Variants in KCNQ1OT1 observed in about 807,000 individuals in gnomAD.
The protein encoded by KCNQ1OT1 is KCNQ1 opposite strand/antisense transcript 1, also known as KCNQ1 antisense RNA 2 (non-protein coding).
exon 1 of KCNQ1OT1, chr11:2,631,696 A>AGGT (rs1318924542): frequency 1.0e-5 from 4 of 398,562 alleles, no homozygotes; most frequent in Non-Finnish European, 8.8e-6. Flanking sequence ...AGTGTTAAGT[A>AGGT]GGTAGGGTGC....
Position 2,620,184 on chromosome 11 carries a change from C to T in KCNQ1OT1, n.79811G>A, listed in dbSNP as rs976133324. 5 of 388,442 alleles carry T rather than the reference C, an allele frequency of 1.3e-5. No individual in the cohort carries two copies. The highest frequency in any genetic ancestry group is 3.7e-5 in the East Asian group (1 of 27,338). 24.1% of individuals were successfully genotyped at this position (388,442 alleles called of 1,614,324 possible). A position where few individuals can be genotyped will look rare whatever the true frequency, so the allele number is the denominator to read the frequency against. On this transcript the variant is annotated non_coding_transcript_exon_variant, in exon 1 of 1. Transcript: ENST00000597346. This position sits in a 1 kb window ranked among gnomAD's most constrained non-coding sequence, Gnocchi z 4.5. ...GCTGCATCCATGTTGCTGCAAAGGA[C>T]GTAAGTTCATTCATGTATATATATA...
rs1013311375 is a variant in KCNQ1OT1 at position 2,670,293 on chromosome 11, G to A, written n.29702C>T. Reference sequence around the variant, plus strand: ...TAGCTTGTCTCTAGGCAACCCATAGGTGCCCAATGGAGAGATAATCTCAAA... The same window carrying A: ...TAGCTTGTCTCTAGGCAACCCATAGATGCCCAATGGAGAGATAATCTCAAA... On this transcript the variant is annotated non_coding_transcript_exon_variant, in exon 1 of 1. Coordinates refer to ENST00000597346, the Ensembl canonical transcript of KCNQ1OT1. The surrounding 1 kb of genome is among the most constrained non-coding windows in gnomAD (Gnocchi z 4.9). The A allele has an allele frequency of 2.3e-5, 9 of 398,422 alleles. No homozygotes were observed. The highest frequency in any genetic ancestry group is 4.4e-5 in the Admixed American group (1 of 22,680). The allele number at this position is 398,422 out of a possible 1,614,324, so 24.7% of individuals were successfully genotyped here.
rs2133851737 is a variant in KCNQ1OT1 at position 2,658,497 on chromosome 11, C to G, written n.41498G>C. 1 of 398,452 alleles carries G rather than the reference C, an allele frequency of 2.5e-6. No individual in the cohort carries two copies. The highest frequency in any genetic ancestry group is 1.3e-4 in the South Asian group (1 of 7,854). 24.7% of individuals were successfully genotyped at this position (398,452 alleles called of 1,614,324 possible). On this transcript the variant is annotated non_coding_transcript_exon_variant, in exon 1 of 1. Transcript: ENST00000597346. The surrounding 1 kb of genome is among the most constrained non-coding windows in gnomAD (Gnocchi z 4.9). The stretch of plus-strand genomic sequence containing the variant: ...CCTTTTCATTTATTTTTAAGCATTT[C>G]TTTTCTAGCACTTGACAATACTTCA...
In KCNQ1OT1 at chr11:2,661,552, G is replaced by A; in HGVS notation, n.38443C>T. The A allele has an allele frequency of 1.9e-6, 1 of 534,552 alleles. No homozygotes were observed. Among genetic ancestry groups the A allele is most frequent in the Non-Finnish European group, 3.3e-6 (1 of 301,916 alleles). The allele number at this position is 534,552 out of a possible 1,614,324, so 33.1% of individuals were successfully genotyped here. On this transcript the variant is annotated non_coding_transcript_exon_variant, in exon 1 of 1. Transcript: ENST00000597346. This position sits in a 1 kb window ranked among gnomAD's most constrained non-coding sequence, Gnocchi z 5.9. ...TTTCCTGACCCACTACTCTGTCAAT[G>A]TATGAGTGTGACAATGTATGGTGGT...
chr11:2,628,585 A>G, exon 1 of KCNQ1OT1: 2 of 398,382 alleles, frequency 5.0e-6, no homozygotes, highest in Non-Finnish European at 4.4e-6. Context: ...CTCCCGCTAC[A>G]TGTGCTGCCT....
chr11:2,625,498 A>G, exon 1 of KCNQ1OT1: 1 of 398,110 alleles, frequency 2.5e-6, no homozygotes, highest in East Asian at 3.6e-5. Context: ...CCTAATGACT[A>G]GAGATGTTAA....
exon 1 of KCNQ1OT1, chr11:2,699,655 A>AGAACCCCCGGGGAGAACCGCGCCGAT: frequency 2.8e-6 from 1 of 355,694 alleles, no homozygotes; most frequent in Non-Finnish European, 5.0e-6. Flanking sequence ...ACCGCGCCGA[A>AGAACCCCCGGGGAGAACCGCGCCGAT]GAACCCCCGG....
rs1323541600 is a variant in KCNQ1OT1 at position 2,683,730 on chromosome 11, A to G, written n.16265T>C. 3 of 398,464 alleles carry G rather than the reference A, an allele frequency of 7.5e-6. No homozygotes were observed. The highest frequency in any genetic ancestry group is 1.3e-5 in the Non-Finnish European group (3 of 226,070). The allele number at this position is 398,464 out of a possible 1,614,324, so 24.7% of individuals were successfully genotyped here. ...CTTTCCTTACTCCCTCTGGTTACCT[A>G]GCTTTAGCTCTGAGGCAGCCCAGAT... On this transcript the variant is annotated non_coding_transcript_exon_variant, in exon 1 of 1. Transcript: ENST00000597346. The surrounding 1 kb of genome is among the most constrained non-coding windows in gnomAD (Gnocchi z 4.7).
exon 1 of KCNQ1OT1, chr11:2,644,119 A>G (rs1166519689): frequency 1.0e-5 from 4 of 398,374 alleles, no homozygotes; most frequent in East Asian, 7.1e-5. Flanking sequence ...TGAGATTCCT[A>G]TATTTGGATC....
rs530132064 is a variant in KCNQ1OT1 at position 2,674,392 on chromosome 11, C to T, written n.25603G>A. 1.0e-3 allele frequency: 149 copies of T among 148,186 alleles called. No homozygotes were observed. Among genetic ancestry groups the T allele is most frequent in the African/African-American group, 3.2e-3 (127 of 40,166 alleles). The allele number at this position is 148,186 out of a possible 1,614,324, so 9.2% of individuals were successfully genotyped here. A position where few individuals can be genotyped will look rare whatever the true frequency, so the allele number is the denominator to read the frequency against. On this transcript the variant is annotated non_coding_transcript_exon_variant, in exon 1 of 1. Transcript: ENST00000597346. The surrounding 1 kb of genome is among the most constrained non-coding windows in gnomAD (Gnocchi z 5.9). ...GCTTCCTGCTTAGGGAAGGTGCATG[C>T]GTGCGTGTGTGTGTGCGCGCCCGCG... is the stretch of plus-strand genomic sequence containing the variant.
Position 2,627,854 on chromosome 11 carries a change from G to A in KCNQ1OT1, n.72141C>T. The A allele has an allele frequency of 1.0e-5, 4 of 398,582 alleles. No homozygotes were observed. The Admixed American group carries it at 1.8e-4, about 18-fold the overall frequency. 24.7% of individuals were successfully genotyped at this position (398,582 alleles called of 1,614,324 possible). On this transcript the variant is annotated non_coding_transcript_exon_variant, in exon 1 of 1. Coordinates refer to ENST00000597346, the Ensembl canonical transcript of KCNQ1OT1. The surrounding 1 kb of genome is among the most constrained non-coding windows in gnomAD (Gnocchi z 4.9). ...TAGCCTCAACCTCATGGGCTCAAGTGATCCTCCTGCCTCAGCCTCCTGAGT... is the reference window on the plus strand; with the variant it reads ...TAGCCTCAACCTCATGGGCTCAAGTAATCCTCCTGCCTCAGCCTCCTGAGT...
exon 1 of KCNQ1OT1, chr11:2,667,597 G>C: frequency 2.5e-6 from 1 of 397,976 alleles, no homozygotes; most frequent in Non-Finnish European, 4.4e-6. Flanking sequence ...GGGGTTGGGC[G>C]GGGGGCACAT....
rs1186745368 is a variant in KCNQ1OT1, at chr11:2,695,100, G to C, written n.4895C>G. The C allele has an allele frequency of 1.3e-4, 51 of 398,662 alleles. No individual in the cohort carries two copies. The East Asian group carries it at 1.8e-3, about 14-fold the overall frequency. The allele number at this position is 398,662 out of a possible 1,614,324, so 24.7% of individuals were successfully genotyped here. ...TCCTAGAAATAGAAGCCACTAGAGG[G>C]TATCTGGCAGGAGAGTCATGGAGGC... On this transcript the variant is annotated non_coding_transcript_exon_variant, in exon 1 of 1. Coordinates refer to ENST00000597346, the Ensembl canonical transcript of KCNQ1OT1. The surrounding 1 kb of genome is among the most constrained non-coding windows in gnomAD (Gnocchi z 5.2).
chr11:2,651,329 C>G lies in KCNQ1OT1; in HGVS notation n.48666G>C, dbSNP rs1228805202. 1 of 398,606 alleles carries G rather than the reference C, an allele frequency of 2.5e-6. No individual in the cohort carries two copies. Among genetic ancestry groups the G allele is most frequent in the Non-Finnish European group, 4.4e-6 (1 of 226,156 alleles). The allele number at this position is 398,606 out of a possible 1,614,324, so 24.7% of individuals were successfully genotyped here. A position where few individuals can be genotyped will look rare whatever the true frequency, so the allele number is the denominator to read the frequency against. On this transcript the variant is annotated non_coding_transcript_exon_variant, in exon 1 of 1. Coordinates refer to ENST00000597346, the Ensembl canonical transcript of KCNQ1OT1. The surrounding 1 kb of genome is among the most constrained non-coding windows in gnomAD (Gnocchi z 6.1). ...GCTGCACAGAACACTCCTCAGAGTT[C>G]TACAAGCGGCTGAGAGAGCTGGGGT...
chr11:2,695,883 T>C lies in KCNQ1OT1; in HGVS notation n.4112A>G, dbSNP rs542976004. On this transcript the variant is annotated non_coding_transcript_exon_variant, in exon 1 of 1. Transcript: ENST00000597346. This position sits in a 1 kb window ranked among gnomAD's most constrained non-coding sequence, Gnocchi z 5.2. ...TCTGTTTGTTAACCCTCCTGCAAAC[T>C]GGCAATCTTCCTACCTTTTTCTTAA... is the stretch of plus-strand genomic sequence containing the variant. The C allele has an allele frequency of 5.0e-6, 2 of 398,662 alleles. No individual in the cohort carries two copies. The highest frequency in any genetic ancestry group is 4.1e-5 in the African/African-American group (2 of 48,756). 24.7% of individuals were successfully genotyped at this position (398,662 alleles called of 1,614,324 possible). A position where few individuals can be genotyped will look rare whatever the true frequency, so the allele number is the denominator to read the frequency against.
At chr11:2,631,714 G>T in exon 1 of KCNQ1OT1, 1 of 398,586 alleles carries the variant, frequency 2.5e-6, no homozygotes, top group Non-Finnish European at 4.4e-6. Flanking sequence ...TGCAGCAGCT[G>T]TAGCCCAGAT....
At chr11:2,672,924 G>A (rs933290654) in exon 1 of KCNQ1OT1, 3 of 398,616 alleles carry the variant, frequency 7.5e-6, no homozygotes, top group Non-Finnish European at 1.3e-5. Flanking sequence ...GGCTGGCCAT[G>A]CAGGCCCACC....
chr11:2,619,595 G>A (rs1849129495), exon 1 of KCNQ1OT1: 2 of 398,364 alleles, frequency 5.0e-6, no homozygotes, highest in Non-Finnish European at 8.8e-6. Flanking sequence ...TTTTGCATCG[G>A]TATTCTTGGG....
rs1324418713 is a variant in KCNQ1OT1 at position 2,658,004 on chromosome 11, G to A, written n.41991C>T. 3 of 398,414 alleles carry A rather than the reference G, an allele frequency of 7.5e-6. No individual in the cohort carries two copies. Among genetic ancestry groups the A allele is most frequent in the African/African-American group, 4.1e-5 (2 of 48,606 alleles). 24.7% of individuals were successfully genotyped at this position (398,414 alleles called of 1,614,324 possible). A position where few individuals can be genotyped will look rare whatever the true frequency, so the allele number is the denominator to read the frequency against. On this transcript the variant is annotated non_coding_transcript_exon_variant, in exon 1 of 1. Transcript: ENST00000597346. The surrounding 1 kb of genome is among the most constrained non-coding windows in gnomAD (Gnocchi z 4.9). ...GCTCCTCCACTGTAAGTGAATAGCT[G>A]TTTTTCCCTTTCCATAGCTTAGTCT...
Sources: gnomAD v4.1 joint callset for allele counts on GRCh38, gnomAD v4.1.1 for gene constraint, Gnocchi (gnomAD v3.1) non-coding constraint, MANE v1.5 for transcripts, NCBI Gene and HGNC (gene_info 2026-07-23, HGNC 2026-07-21) for gene names.